Variants in SRPK1 observed in about 807,000 individuals in gnomAD.
SRPK1 encodes SRSF protein kinase 1.
In SRPK1, 52 loss-of-function variants were observed where a neutral mutation model predicts 89.5. That is an observed-to-expected ratio of 0.58 (90% CI 0.46 to 0.73). SRPK1 has a LOEUF of 0.73. SRPK1 is among the 30% of genes least tolerant of loss of function. SRPK1 has a pLI of 0.00. For synonymous variants in SRPK1, 255 were observed against 270.2 expected, an observed-to-expected ratio of 0.94 and a Z score of 0.55; for missense variants, 603 against 780.6, an observed-to-expected ratio of 0.77 and a Z score of 2.71.
chr6:35,842,828 A>G (rs1191192179), intron 13 of SRPK1, among the ~76,000 whole-genome samples: 2 of 152,072 alleles, frequency 1.3e-5, no homozygotes, highest in African/African-American at 4.8e-5. Flanking sequence ...AGTAAATACT[A>G]ACATGTGGGT....
chr6:35,873,190 A>G (rs138272600), intron 7 of SRPK1, among the ~76,000 whole-genome samples: 156 of 152,320 alleles, frequency 1.0e-3, no homozygotes, highest in African/African-American at 3.6e-3. Context: ...TATTTTCCTG[A>G]TGGTAAAATC....
chr6:35,857,348 A>C lies in SRPK1; in HGVS notation c.1533T>G (p.Asp511Glu). Reference protein sequence around the residue: ...ACWVHKHFTEDIQTRQYRSLE... With the variant: ...ACWVHKHFTEEIQTRQYRSLE... ...AGGAACGATATTGCCTTGTTTGAAT[A>C]TCTTCAGTGAAATGTTTGTGCTGAG... is the stretch of plus-strand genomic sequence containing the variant. Residue 511 changes from aspartate (D) to glutamate (E), a missense_variant, in exon 13 of 16, where the codon GAT becomes GAG. By Grantham distance (45) the Asp-to-Glu change is conservative. Transcript: ENST00000373825. The C allele has an allele frequency of 1.2e-6, 2 of 1,610,788 alleles. No individual in the cohort carries two copies. The highest frequency in any genetic ancestry group is 1.7e-6 in the Non-Finnish European group (2 of 1,178,380).
At chr6:35,838,824 G>C in intron 14 of SRPK1, 1 of 1,365,992 alleles carries the variant, frequency 7.3e-7, no homozygotes, top group Non-Finnish European at 9.8e-7. Flanking sequence ...AAGAAGAACA[G>C]ATCAAGGACA....
intron 6 of SRPK1, among the ~76,000 whole-genome samples, chr6:35,876,718 T>G (rs1172048989): frequency 6.6e-6 from 1 of 152,174 alleles, no homozygotes; most frequent in Non-Finnish European, 1.5e-5. Flanking sequence ...GCACTGGACT[T>G]ATCTTATTGA....
chr6:35,888,851 C>A lies in SRPK1; in HGVS notation c.266G>T (p.Gly89Val). 6.2e-7 allele frequency: 1 copy of A among 1,613,010 alleles called. No individual in the cohort carries two copies. The highest frequency in any genetic ancestry group is 8.5e-7 in the Non-Finnish European group (1 of 1,179,174). ...RYHVIRKLGWGHFSTVWLSWD... is the reference protein window; with the variant it reads ...RYHVIRKLGWVHFSTVWLSWD... Reference sequence around the variant, plus strand: ...TGATAACCATACTGTTGAAAAGTGTCCCCAGCCTAACTTTCGGATCACATG... The same window carrying A: ...TGATAACCATACTGTTGAAAAGTGTACCCAGCCTAACTTTCGGATCACATG... The change falls in exon 4 of 16, where the codon GGA (glycine) becomes GTA (valine). Residue 89 changes from glycine to valine, a missense_variant. Gly to Val is a moderately radical substitution (Grantham distance 109). Transcript: ENST00000373825.
chr6:35,910,172 G>A lies in SRPK1; in HGVS notation c.74+10296C>T, dbSNP rs1001119406. On this transcript the variant is annotated intron_variant, in intron 2 of 15. Transcript: ENST00000373825. Reference sequence around the variant, plus strand: ...CTAATTTTGTATTTTTAGTAGAGACGGGCTTTCACCATGTTGGTCAGGCTG... The same window carrying A: ...CTAATTTTGTATTTTTAGTAGAGACAGGCTTTCACCATGTTGGTCAGGCTG... 3.9e-5 allele frequency among the ~76,000 whole-genome samples: 6 copies of A among 152,046 alleles called. No individual in the cohort carries two copies. In the South Asian group the frequency reaches 6.2e-4, roughly 16 times the overall value.
chr6:35,836,525 G>C (rs1469356857), intron 15 of SRPK1, among the ~76,000 whole-genome samples: 2 of 152,142 alleles, frequency 1.3e-5, no homozygotes, highest in African/African-American at 4.8e-5. Flanking sequence ...GGCTGAGTCG[G>C]GTGGATCACT....
In SRPK1 at chr6:35,899,032, G is replaced by A. The variant is rs571107718; in HGVS notation, c.75-8019C>T. ...AAAAATTAGCTGGGCATGGTGGCGC[G>A]TGCCTGTAGTACCAGCTACTCAGGA... On this transcript the variant is annotated intron_variant, in intron 2 of 15. Transcript: ENST00000373825. Among the ~76,000 whole-genome samples, 8 of 152,198 alleles carry A rather than the reference G, an allele frequency of 5.3e-5. No individual in the cohort carries two copies. The East Asian group carries it at 1.2e-3, about 22-fold the overall frequency.
intron 2 of SRPK1, among the ~76,000 whole-genome samples, chr6:35,905,271 C>T (rs186894662): frequency 1.3e-5 from 2 of 152,164 alleles, no homozygotes; most frequent in African/African-American, 4.8e-5. Context: ...CATCTTCTCA[C>T]AGGGTAACAG....
chr6:35,869,341 G>T, intron 11 of SRPK1, 141 bp downstream of exon 11: 2 of 1,062,418 alleles, frequency 1.9e-6, no homozygotes, highest in Non-Finnish European at 1.4e-6. Flanking sequence ...GATAAAGTTA[G>T]CTACAGATTA....
chr6:35,905,110 G>A (rs78894630), intron 2 of SRPK1: 3,141 of 219,278 alleles, frequency 0.014, 103 homozygotes, highest in African/African-American at 0.068. Context: ...TCACACCACT[G>A]TACTCCAGCC....
At chr6:35,838,071 G>C (rs958947309) in intron 15 of SRPK1, among the ~76,000 whole-genome samples, 1 of 151,808 alleles carries the variant, frequency 6.6e-6, no homozygotes, top group Non-Finnish European at 1.5e-5. Flanking sequence ...GGTTTCACCG[G>C]GTTGGCCAGG....
intron 15 of SRPK1, 133 bp from the exon 16 acceptor site, chr6:35,835,621 T>C: frequency 1.4e-6 from 1 of 700,938 alleles, no homozygotes; most frequent in Non-Finnish European, 2.2e-6. Flanking sequence ...TAATCCTTCA[T>C]TCACAAAGCA....
chr6:35,854,643 C>A (rs771363910), intron 13 of SRPK1, among the ~76,000 whole-genome samples: 6 of 152,068 alleles, frequency 3.9e-5, no homozygotes, highest in Non-Finnish European at 8.8e-5. Flanking sequence ...ACTTCTTAAG[C>A]CTGACATTAG....
chr6:35,856,080 CAGA>C (rs1769660155), intron 13 of SRPK1, among the ~76,000 whole-genome samples: 2 of 152,202 alleles, frequency 1.3e-5, no homozygotes, highest in Admixed American at 1.3e-4. Flanking sequence ...ACCACATGAT[CAGA>C]AGACTGGGGC....
At chr6:35,864,183 T>C (rs1769845818) in intron 12 of SRPK1, among the ~76,000 whole-genome samples, 2 of 151,784 alleles carry the variant, frequency 1.3e-5, no homozygotes, top group African/African-American at 4.8e-5. Flanking sequence ...AAAACAAAAA[T>C]GGACAAATGG....
intron 14 of SRPK1, among the ~76,000 whole-genome samples, chr6:35,842,037 T>G (rs1255053445): frequency 6.6e-6 from 1 of 152,056 alleles, no homozygotes; most frequent in African/African-American, 2.4e-5. Flanking sequence ...TACTTTGTTT[T>G]AAAATGGAAT....
chr6:35,851,172 G>T (rs1374607467), intron 13 of SRPK1, among the ~76,000 whole-genome samples: 2 of 146,844 alleles, frequency 1.4e-5, no homozygotes, highest in African/African-American at 5.1e-5. Flanking sequence ...AAAGTGGTTG[G>T]TATTGGATTT....
rs1769990335 is a variant in SRPK1 at position 35,869,774 on chromosome 6, T to C, written c.1119A>G (p.Thr373=). The change falls in exon 11 of 16, where the codon ACA becomes ACG. Residue 373 remains threonine (T), a synonymous_variant. Coordinates refer to ENST00000373825, the MANE Select transcript of SRPK1 (RefSeq NM_003137.5). ...INYTQNSNNE[T]LRHKEDLHNA... is the part of the protein sequence containing the mutation. ...TATGTAGATCCTCTTTATGTCTCAATGTTTCATTATTACTGTTCTGAGTAT... is the reference window on the plus strand; with the variant it reads ...TATGTAGATCCTCTTTATGTCTCAACGTTTCATTATTACTGTTCTGAGTAT... 6.2e-7 allele frequency: 1 copy of C among 1,613,834 alleles called. No homozygotes were observed. Among genetic ancestry groups the C allele is most frequent in the Admixed American group, 1.7e-5 (1 of 60,000 alleles).
Sources: gnomAD v4.1 joint callset for allele counts (sites outside exome capture counted in the v4.1 genomes callset) on GRCh38, gnomAD v4.1.1 for gene constraint, MANE v1.5 for transcripts, NCBI Gene and HGNC (gene_info 2026-07-23, HGNC 2026-07-21) for gene names.